Variants in PHLPP2 observed in about 807,000 individuals in gnomAD.
The protein encoded by PHLPP2 is PH domain and leucine rich repeat protein phosphatase 2.
In PHLPP2, 66 loss-of-function variants were observed where a neutral mutation model predicts 124.9. The ratio of observed to expected loss-of-function variants is 0.53; its 90% CI spans 0.43 to 0.65. The LOEUF is 0.65. PHLPP2 is among the 30% of genes least tolerant of loss of function. The pLI is 0.00. For missense variants in PHLPP2, 1,685 were observed against 1,600.4 expected (o/e 1.05, Z -0.90); for synonymous variants, 681 against 624.7 (o/e 1.09, Z -1.34).
At chr16:71,711,309 C>G (rs999237572) in intron 2 of PHLPP2, among the ~76,000 whole-genome samples, 4 of 147,498 alleles carry the variant, frequency 2.7e-5, no homozygotes, top group Non-Finnish European at 4.5e-5. Flanking sequence ...CCAGCCTGGG[C>G]AACAAGAGTG....
At chr16:71,660,930 G>C (rs1267750957) in intron 13 of PHLPP2, among the ~76,000 whole-genome samples, 1 of 151,954 alleles carries the variant, frequency 6.6e-6, no homozygotes, top group Non-Finnish European at 1.5e-5. Context: ...ACACTGCTCA[G>C]GAAATGAACT....
chr16:71,713,959 T>C (rs1390580385), intron 2 of PHLPP2, among the ~76,000 whole-genome samples: 1 of 149,700 alleles, frequency 6.7e-6, no homozygotes, highest in Non-Finnish European at 1.5e-5. Context: ...TTTTTTTTTT[T>C]GAGACAGTGT....
chr16:71,655,135 C>T, intron 17 of PHLPP2, 105 bp downstream of exon 17: 1 of 755,320 alleles, frequency 1.3e-6, no homozygotes, highest in Non-Finnish European at 2.3e-6. Flanking sequence ...CGTGAGTTCT[C>T]TCCTTGATCC....
intron 13 of PHLPP2, among the ~76,000 whole-genome samples, chr16:71,661,142 C>T (rs1056110717): frequency 2.7e-5 from 4 of 150,446 alleles, no homozygotes; most frequent in African/African-American, 9.8e-5. Flanking sequence ...TCTCAGTTCA[C>T]TGGAACCTCC....
In PHLPP2 at chr16:71,646,460, G is replaced by C. The variant is rs1356474455; in HGVS notation, c.*2430C>G. ...AATAAATACATTTACTTTTGGTAAG[G>C]TCATTTCAGAACTGGGTTTTGAGGT... On this transcript the variant is annotated 3_prime_UTR_variant, in exon 19 of 19. Coordinates refer to ENST00000568954, the MANE Select transcript of PHLPP2 (RefSeq NM_015020.3). The C allele has an allele frequency of 6.6e-6, 1 of 152,154 alleles. No individual in the cohort carries two copies. The highest frequency in any genetic ancestry group is 1.5e-5 in the Non-Finnish European group (1 of 68,036). 9.4% of individuals were successfully genotyped at this position (152,154 alleles called of 1,614,324 possible).
At chr16:71,690,120 G>A (rs1337340746) in intron 4 of PHLPP2, among the ~76,000 whole-genome samples, 1 of 152,158 alleles carries the variant, frequency 6.6e-6, no homozygotes, top group African/African-American at 2.4e-5. Context: ...CTCCCTGGCT[G>A]CTGGATCACA....
At chr16:71,658,432 A>G in intron 14 of PHLPP2, 69 bp from the exon 15 acceptor site, 2 of 1,418,536 alleles carry the variant, frequency 1.4e-6, no homozygotes, top group Non-Finnish European at 1.9e-6. Flanking sequence ...CCAAGTGTCC[A>G]ATCTCTTACT....
intron 2 of PHLPP2, among the ~76,000 whole-genome samples, chr16:71,707,362 AG>A (rs373946924): frequency 2.4e-3 from 361 of 152,182 alleles, no homozygotes; most frequent in Middle Eastern, 6.8e-3. Context: ...CCTGAATAAT[AG>A]GAGTGTCTTT....
At chr16:71,721,671 G>GAAAAAAAAAAAAAA (rs11339364) in intron 1 of PHLPP2, among the ~76,000 whole-genome samples, 1 of 148,708 alleles carries the variant, frequency 6.7e-6, no homozygotes. Context: ...AACTGTTCTT[G>GAAAAAAAAAAAAAA]AAAAAAAAAA....
intron 2 of PHLPP2, among the ~76,000 whole-genome samples, chr16:71,707,975 C>G (rs1436860229): frequency 2.0e-5 from 3 of 152,086 alleles, no homozygotes; most frequent in African/African-American, 7.2e-5. Context: ...TAAGAAAAAT[C>G]GGCAGGGCAC....
chr16:71,649,265 T>C lies in PHLPP2; in HGVS notation c.3597A>G (p.Arg1199=). The C allele has an allele frequency of 6.2e-7, 1 of 1,613,876 alleles. No homozygotes were observed. Among genetic ancestry groups the C allele is most frequent in the Non-Finnish European group, 8.5e-7 (1 of 1,179,944 alleles). ...SPTLCSEEHA[R]GSCFGIRRQN... is the part of the protein sequence containing the mutation. ...GTCTTCGGATCCCAAAACACGACCC[T>C]CTAGCATGTTCCTCAGAACACAGGG... The change falls in exon 19 of 19, where the codon AGA becomes AGG. Residue 1199 remains arginine, a synonymous_variant. Transcript: ENST00000568954.
At chr16:71,669,893 G>C (rs1365744193) in intron 10 of PHLPP2, among the ~76,000 whole-genome samples, 1 of 152,156 alleles carries the variant, frequency 6.6e-6, no homozygotes, top group East Asian at 1.9e-4. Context: ...TTAGTCAAGA[G>C]AATTTTTTTT....
rs373136859 is a variant in PHLPP2 at position 71,645,598 on chromosome 16, A to T, written c.*3292T>A. 1.1e-4 allele frequency: 17 copies of T among 153,066 alleles called. No individual in the cohort carries two copies. Among genetic ancestry groups the T allele is most frequent in the Admixed American group, 9.2e-4 (14 of 15,290 alleles). The allele number at this position is 153,066 out of a possible 1,614,324, so 9.5% of individuals were successfully genotyped here. ...TTTGCTGAAGGTCTACATGGGAAGAAGAGCATCATTTGATATTCAGTAGAT... is the reference window on the plus strand; with the variant it reads ...TTTGCTGAAGGTCTACATGGGAAGATGAGCATCATTTGATATTCAGTAGAT... On this transcript the variant is annotated 3_prime_UTR_variant, in exon 19 of 19. Coordinates refer to ENST00000568954, the MANE Select transcript of PHLPP2 (RefSeq NM_015020.3).
chr16:71,718,129 G>C (rs1047713739), intron 1 of PHLPP2, among the ~76,000 whole-genome samples: 3 of 152,060 alleles, frequency 2.0e-5, no homozygotes, highest in Non-Finnish European at 2.9e-5. Context: ...CTGGACTCAA[G>C]CAATCCTCCT....
intron 5 of PHLPP2, among the ~76,000 whole-genome samples, chr16:71,683,946 C>CT (rs35917171): frequency 0.35 from 52,679 of 151,522 alleles, 9,945 homozygotes; most frequent in East Asian, 0.76. Context: ...GCATGTGCCA[C>CT]TACACCCCGC....
intron 3 of PHLPP2, among the ~76,000 whole-genome samples, chr16:71,699,196 C>T (rs1017699504): frequency 2.0e-5 from 3 of 152,158 alleles, no homozygotes; most frequent in African/African-American, 7.2e-5. Flanking sequence ...TCTAGGCAGA[C>T]AGGGACAGGT....
In PHLPP2 at chr16:71,678,834, C is replaced by A. The variant is rs753525523; in HGVS notation, c.1189G>T (p.Val397Phe). The change falls in exon 8 of 19, where the codon GTT becomes TTT. Residue 397 changes from valine to phenylalanine, a missense_variant. By Grantham distance (50) the Val-to-Phe change is conservative. Coordinates refer to ENST00000568954, the MANE Select transcript of PHLPP2 (RefSeq NM_015020.3). ...YEKLTMLDRV[V>F]MAGNCLEVLN... ...ACTTCCAGGCAATTTCCTGCCATAACCACTCTATCTAACATAGTGAGTTTC... is the reference window on the plus strand; with the variant it reads ...ACTTCCAGGCAATTTCCTGCCATAAACACTCTATCTAACATAGTGAGTTTC... 1 of 1,612,520 alleles carries A rather than the reference C, an allele frequency of 6.2e-7. No individual in the cohort carries two copies. The highest frequency in any genetic ancestry group is 2.2e-5 in the East Asian group (1 of 44,878).
chr16:71,716,788 T>C (rs948623290), intron 1 of PHLPP2, among the ~76,000 whole-genome samples: 5 of 152,218 alleles, frequency 3.3e-5, no homozygotes, highest in African/African-American at 1.2e-4. Context: ...GAGCCTTCCA[T>C]ATCTCCTATC....
At chr16:71,690,313 G>A (rs1053539393) in intron 4 of PHLPP2, among the ~76,000 whole-genome samples, 1 of 152,222 alleles carries the variant, frequency 6.6e-6, no homozygotes, top group South Asian at 2.1e-4. Flanking sequence ...AGCAGTGGAG[G>A]TGGGGATGTC....
Sources: gnomAD v4.1 joint callset for allele counts (sites outside exome capture counted in the v4.1 genomes callset) on GRCh38, gnomAD v4.1.1 for gene constraint, MANE v1.5 for transcripts, NCBI Gene and HGNC (gene_info 2026-07-23, HGNC 2026-07-21) for gene names.